TEX264: variants seen among roughly 807,000 people sequenced by gnomAD.
TEX264 encodes the protein testis expressed 264, ER-phagy receptor.
Under a neutral mutation model 23.4 loss-of-function variants are expected in TEX264, and 13 were observed. The ratio of observed to expected loss-of-function variants is 0.56; its 90% CI spans 0.36 to 0.88. The LOEUF is 0.88. Ranked by LOEUF, TEX264 falls within the 40% of genes least tolerant of loss-of-function variation. The pLI is 0.01. For synonymous variants in TEX264, 159 were observed against 170.0 expected (o/e 0.94, Z 0.50); for missense variants, 340 against 406.8 (o/e 0.84, Z 1.41).
intron 2 of TEX264, chr3:51,683,080 G>C (rs561071559): frequency 6.5e-4 from 100 of 154,330 alleles, no homozygotes; most frequent in Non-Finnish European, 1.1e-3. Flanking sequence ...GGGGAGAGGA[G>C]TAAGTGGAGG....
At chr3:51,685,869 A>G (rs770237921) in intron 3 of TEX264, among the ~76,000 whole-genome samples, 5 of 152,168 alleles carry the variant, frequency 3.3e-5, no homozygotes, top group Non-Finnish European at 7.3e-5. Flanking sequence ...GGAGATTTAC[A>G]ATCACTTTTG....
chr3:51,676,635 C>T (rs922507373), intron 2 of TEX264, among the ~76,000 whole-genome samples: 16 of 152,310 alleles, frequency 1.1e-4, no homozygotes, highest in African/African-American at 3.9e-4. Context: ...TGTTTCTGAG[C>T]CTCTATTTCC....
In TEX264 at chr3:51,691,470, G is replaced by A. The variant is rs1162074304; in HGVS notation, c.480+6836G>A. ...ACAGAGCCTAGCCATGCCTGGGTGT[G>A]GGGAGGGGAGGGATAGATTCGCTGG... is the stretch of plus-strand genomic sequence containing the variant. On this transcript the variant is annotated intron_variant, in intron 3 of 4. Transcript: ENST00000341333. This position sits in a 1 kb window ranked among gnomAD's most constrained non-coding sequence, Gnocchi z 4.4. Among the ~76,000 whole-genome samples the A allele has an allele frequency of 6.6e-6, 1 of 152,234 alleles. No individual in the cohort carries two copies. The highest frequency in any genetic ancestry group is 1.9e-4 in the East Asian group (1 of 5,200).
chr3:51,697,709 C>T (rs1391186761), intron 3 of TEX264, among the ~76,000 whole-genome samples: 1 of 152,188 alleles, frequency 6.6e-6, no homozygotes, highest in South Asian at 2.1e-4. Flanking sequence ...ATTGGAGGGG[C>T]CCCAGAGCCT....
intron 2 of TEX264, among the ~76,000 whole-genome samples, chr3:51,675,899 G>A (rs1417073715): frequency 6.6e-6 from 1 of 152,222 alleles, no homozygotes; most frequent in Admixed American, 6.5e-5. Flanking sequence ...AGGTTGAGAA[G>A]AAGGATGTGG....
At chr3:51,690,824 A>G (rs1559678698) in intron 3 of TEX264, among the ~76,000 whole-genome samples, 1 of 152,148 alleles carries the variant, frequency 6.6e-6, no homozygotes, top group African/African-American at 2.4e-5. Flanking sequence ...CAGCATCCCC[A>G]TTGTTTTACA....
At chr3:51,675,273 G>A (rs776435986) in intron 2 of TEX264, among the ~76,000 whole-genome samples, 15 of 152,218 alleles carry the variant, frequency 9.9e-5, no homozygotes, top group Non-Finnish European at 2.2e-4. Flanking sequence ...GCTTGCTAAT[G>A]TAACCTACTG....
At position 51,703,990 on chromosome 3, in the gene TEX264, A is replaced by C; in HGVS notation, c.916A>C (p.Thr306Pro). ...GACTACCAAGTGGCTCTGGGAGCCC[A>C]CTGCCCCTGAGAAGGGCAAGGAGTA... is the stretch of plus-strand genomic sequence containing the variant. ...LGTTKWLWEP[T>P]APEKGKE The change falls in exon 5 of 5, where the codon ACT becomes CCT. Residue 306 changes from threonine to proline, a missense_variant. By Grantham distance (38) the Thr-to-Pro change is conservative. Transcript: ENST00000341333. The surrounding 1 kb of genome is among the most constrained non-coding windows in gnomAD (Gnocchi z 4.8). The C allele has an allele frequency of 6.5e-7, 1 of 1,543,618 alleles. No individual in the cohort carries two copies. The highest frequency in any genetic ancestry group is 8.8e-7 in the Non-Finnish European group (1 of 1,142,644).
intron 3 of TEX264, among the ~76,000 whole-genome samples, chr3:51,694,027 CTTCCTTCCTTCCTTCCTTCCTCCCT>C (rs1702936436): frequency 7.3e-6 from 1 of 137,596 alleles, no homozygotes; most frequent in African/African-American, 2.8e-5. Flanking sequence ...TCCTTCCTTC[CTTCCTTCCTTCCTTCCTTCCTCCCT>C]TCCCTTCCCT....
At chr3:51,683,986 A>C in intron 2 of TEX264, 1 of 191,344 alleles carries the variant, frequency 5.2e-6, no homozygotes, top group Non-Finnish European at 1.1e-5. Context: ...AGGATCAGCC[A>C]CTGTACAGTT....
chr3:51,678,881 C>A (rs1702323201), intron 2 of TEX264, among the ~76,000 whole-genome samples: 1 of 152,204 alleles, frequency 6.6e-6, no homozygotes. Context: ...TTTCCCAGGA[C>A]TGACCTCCTC....
chr3:51,698,858 G>A (rs1307170205), intron 3 of TEX264, among the ~76,000 whole-genome samples: 2 of 152,308 alleles, frequency 1.3e-5, no homozygotes, highest in Non-Finnish European at 1.5e-5. Flanking sequence ...CTTGATCCTT[G>A]TTCAGGGTCT....
chr3:51,688,869 G>A (rs1416195664), intron 3 of TEX264, among the ~76,000 whole-genome samples: 1 of 152,156 alleles, frequency 6.6e-6, no homozygotes, highest in East Asian at 1.9e-4. Context: ...GCTCATGCCT[G>A]TAATCCCAAC....
chr3:51,687,856 C>T (rs1046098142), intron 3 of TEX264, among the ~76,000 whole-genome samples: 2 of 152,152 alleles, frequency 1.3e-5, no homozygotes, highest in Non-Finnish European at 2.9e-5. Flanking sequence ...AAGTTCACGG[C>T]GAGAGGCCCA....
chr3:51,685,481 G>A (rs1172642306), intron 3 of TEX264, among the ~76,000 whole-genome samples: 1 of 152,240 alleles, frequency 6.6e-6, no homozygotes, highest in African/African-American at 2.4e-5. Context: ...GTGTGCTAGA[G>A]AAGGAGAGGG....
chr3:51,699,254 C>T, intron 3 of TEX264, 152 bp from the exon 4 acceptor site: 2 of 724,000 alleles, frequency 2.8e-6, no homozygotes, highest in Admixed American at 2.6e-5. Flanking sequence ...ATGTGTGCCT[C>T]CCTCAGCAGG....
intron 2 of TEX264, 176 bp from the exon 3 acceptor site, chr3:51,684,237 G>GTAC: frequency 1.6e-6 from 1 of 609,706 alleles, no homozygotes; most frequent in Non-Finnish European, 2.9e-6. Flanking sequence ...CCACAGGCAG[G>GTAC]GGCCATAGGT....
chr3:51,687,516 A>G (rs567933515), intron 3 of TEX264, among the ~76,000 whole-genome samples: 7 of 152,338 alleles, frequency 4.6e-5, no homozygotes, highest in African/African-American at 1.7e-4. Context: ...CTCTTCTAGC[A>G]CCGACAGCTT....
chr3:51,692,877 C>A (rs55815124), intron 3 of TEX264, among the ~76,000 whole-genome samples: 12,665 of 152,314 alleles, frequency 0.083, 741 homozygotes, highest in Non-Finnish European at 0.13. Context: ...CTCCTGTACT[C>A]CCCAACCCTC....
Sources: allele counts gnomAD v4.1 joint callset (sites outside exome capture counted in the v4.1 genomes callset), GRCh38; gene constraint gnomAD v4.1.1; non-coding constraint Gnocchi (gnomAD v3.1); transcripts MANE v1.5; gene names NCBI Gene and HGNC (gene_info 2026-07-23, HGNC 2026-07-21).